The following UNC13C variants were observed in gnomAD, a reference collection of about 807,000 sequenced individuals.
The protein encoded by UNC13C is unc-13 homolog C.
Under a neutral mutation model 245.4 loss-of-function variants are expected in UNC13C, and 174 were observed. That is an observed-to-expected ratio of 0.71 (90% CI 0.63 to 0.80). UNC13C has a LOEUF of 0.80. UNC13C is among the 30% of genes least tolerant of loss of function. The pLI is 0.00. For synonymous variants in UNC13C, 992 were observed against 895.1 expected, an observed-to-expected ratio of 1.11 and a Z score of -1.93; for missense variants, 2,829 against 2,602.9, an observed-to-expected ratio of 1.09 and a Z score of -1.89.
intron 19 of UNC13C, among the ~76,000 whole-genome samples, chr15:54,452,639 G>A (rs1567285817): frequency 6.6e-6 from 1 of 152,194 alleles, no homozygotes; most frequent in Non-Finnish European, 1.5e-5. Context: ...TCCCCATGGT[G>A]CATAGAGGTT....
chr15:54,019,490 G>A (rs575207685), intron 2 of UNC13C, among the ~76,000 whole-genome samples: 2 of 152,266 alleles, frequency 1.3e-5, no homozygotes, highest in East Asian at 3.9e-4. Flanking sequence ...GATTTGTAGA[G>A]TGCAATAAAT....
chr15:54,490,446 G>C (rs1309755199), intron 19 of UNC13C, among the ~76,000 whole-genome samples: 1 of 152,250 alleles, frequency 6.6e-6, no homozygotes, highest in East Asian at 1.9e-4. Flanking sequence ...AGTTTGCAGA[G>C]TCCAGGAGGA....
At chr15:53,916,194 C>G in the UNC13C span, among the ~76,000 whole-genome samples, 1 of 152,134 alleles carries the variant, frequency 6.6e-6, no homozygotes, top group Non-Finnish European at 1.5e-5. Context: ...TACAAATTAA[C>G]GTATTAGCTA....
the UNC13C span, among the ~76,000 whole-genome samples, chr15:53,927,152 G>A: frequency 6.6e-6 from 1 of 152,068 alleles, no homozygotes; most frequent in Non-Finnish European, 1.5e-5. Context: ...TTAATTCTGA[G>A]GAATACAAAA....
chr15:53,857,200 C>A, the UNC13C span, among the ~76,000 whole-genome samples: 7 of 152,114 alleles, frequency 4.6e-5, no homozygotes, highest in Non-Finnish European at 7.4e-5. Context: ...AGTCTCTGAG[C>A]CTACTCTGGC....
the UNC13C span, among the ~76,000 whole-genome samples, chr15:53,857,070 A>C: frequency 1.3e-5 from 2 of 152,024 alleles, no homozygotes; most frequent in Non-Finnish European, 1.5e-5. Context: ...TGCTGGGATT[A>C]GAGGCGTGAA....
intron 2 of UNC13C, among the ~76,000 whole-genome samples, chr15:54,072,044 C>T (rs555677756): frequency 6.6e-6 from 1 of 152,148 alleles, no homozygotes; most frequent in Admixed American, 6.5e-5. Context: ...GGACATCCCT[C>T]CTTCTCTGTT....
the UNC13C span, among the ~76,000 whole-genome samples, chr15:53,954,733 C>T: frequency 2.0e-5 from 3 of 152,098 alleles, no homozygotes; most frequent in East Asian, 3.9e-4. Flanking sequence ...AGTGATTTCC[C>T]TTAATATTTT....
chr15:54,140,838 T>G (rs1441060438), intron 2 of UNC13C, among the ~76,000 whole-genome samples: 1 of 151,868 alleles, frequency 6.6e-6, no homozygotes, highest in Non-Finnish European at 1.5e-5. Context: ...AGAAGGAGAG[T>G]GACATAATTT....
chr15:54,582,698 G>A (rs1898256730), intron 30 of UNC13C, among the ~76,000 whole-genome samples: 1 of 152,140 alleles, frequency 6.6e-6, no homozygotes, highest in Non-Finnish European at 1.5e-5. Context: ...TGAGTCCCCT[G>A]GGTAAATCAG....
At chr15:54,250,688 A>G (rs1329340574) in intron 8 of UNC13C, among the ~76,000 whole-genome samples, 2 of 150,782 alleles carry the variant, frequency 1.3e-5, no homozygotes. Context: ...ACTCTCATCC[A>G]GCATAAACCT....
chr15:54,116,858 C>T (rs1207980059), intron 2 of UNC13C, among the ~76,000 whole-genome samples: 2 of 152,060 alleles, frequency 1.3e-5, no homozygotes, highest in African/African-American at 4.8e-5. Context: ...TATAGTTTTC[C>T]ATAGTGGCTG....
At chr15:54,158,874 A>G (rs2032861484) in intron 4 of UNC13C, among the ~76,000 whole-genome samples, 1 of 152,024 alleles carries the variant, frequency 6.6e-6, no homozygotes, top group South Asian at 2.1e-4. Context: ...GCTGTTCTCA[A>G]ACTCATGACC....
chr15:54,020,338 G>A (rs1336803862), intron 2 of UNC13C, among the ~76,000 whole-genome samples: 2 of 146,860 alleles, frequency 1.4e-5, no homozygotes, highest in African/African-American at 2.5e-5. Context: ...GCAGTGGCAC[G>A]ATCTCAGCTC....
intron 25 of UNC13C, among the ~76,000 whole-genome samples, chr15:54,532,195 A>T (rs1309256676): frequency 1.3e-5 from 2 of 151,836 alleles, no homozygotes; most frequent in African/African-American, 4.8e-5. Flanking sequence ...CCTCCAATAG[A>T]CCCCACTGTG....
intron 11 of UNC13C, among the ~76,000 whole-genome samples, chr15:54,296,422 G>A (rs909120700): frequency 2.1e-5 from 3 of 142,866 alleles, no homozygotes; most frequent in African/African-American, 8.0e-5. Context: ...GTTTCACCGT[G>A]TTAGCCAGAA....
At chr15:54,239,885 C>G (rs560935248) in intron 7 of UNC13C, among the ~76,000 whole-genome samples, 2 of 152,320 alleles carry the variant, frequency 1.3e-5, no homozygotes, top group East Asian at 3.9e-4. Context: ...AGCATCTAGT[C>G]TTCTTTTGAG....
chr15:54,001,419 C>T (rs1169846468), intron 1 of UNC13C, among the ~76,000 whole-genome samples: 1 of 152,130 alleles, frequency 6.6e-6, no homozygotes, highest in Non-Finnish European at 1.5e-5. Context: ...AGATTTTTAT[C>T]GTCCTCACGA....
intron 2 of UNC13C, among the ~76,000 whole-genome samples, chr15:54,031,412 A>G (rs1595740321): frequency 1.3e-5 from 2 of 152,216 alleles, no homozygotes; most frequent in East Asian, 3.9e-4. Context: ...TTTAGTAGAG[A>G]CGGGGTTTCA....
Sources: allele counts gnomAD v4.1 joint callset (sites outside exome capture counted in the v4.1 genomes callset), GRCh38; gene constraint gnomAD v4.1.1; transcripts MANE v1.5; gene names NCBI Gene and HGNC (gene_info 2026-07-23, HGNC 2026-07-21).